ATOSA: variants seen among roughly 807,000 people sequenced by gnomAD.
The protein encoded by ATOSA is atos homolog A.
the ATOSA span, chr15:52,611,008 A>C: frequency 8.4e-7 from 1 of 1,196,048 alleles, no homozygotes; most frequent in African/African-American, 1.5e-5. Context: ...AAACCTCAGT[A>C]AATTTTATCC....
chr15:52,634,597 T>C, the ATOSA span, among the ~76,000 whole-genome samples: 2 of 103,580 alleles, frequency 1.9e-5, no homozygotes, highest in South Asian at 3.9e-4. Context: ...ATGTCCATTT[T>C]TCTTTTCTTT....
chr15:52,678,042 C>T, the ATOSA span: 1 of 1,614,006 alleles, frequency 6.2e-7, no homozygotes, highest in Non-Finnish European at 8.5e-7. Flanking sequence ...AATTTTCGCC[C>T]AGAGTGCTGT....
At chr15:52,619,063 A>G in the ATOSA span, among the ~76,000 whole-genome samples, 2 of 152,254 alleles carry the variant, frequency 1.3e-5, no homozygotes, top group African/African-American at 4.8e-5. Context: ...TAACTATTAC[A>G]TAAGTATTGA....
At chr15:52,594,085 C>T in the ATOSA span, among the ~76,000 whole-genome samples, 2 of 152,178 alleles carry the variant, frequency 1.3e-5, no homozygotes, top group Non-Finnish European at 2.9e-5. Flanking sequence ...AAAATATGCT[C>T]TATCAGAGCA....
the ATOSA span, chr15:52,656,202 T>G: frequency 6.6e-6 from 1 of 152,110 alleles, no homozygotes; most frequent in Non-Finnish European, 1.5e-5. Flanking sequence ...TAATGAAGAC[T>G]AAGCAATAGT....
the ATOSA span, among the ~76,000 whole-genome samples, chr15:52,647,532 G>A: frequency 1.3e-5 from 2 of 152,224 alleles, no homozygotes; most frequent in Non-Finnish European, 2.9e-5. Flanking sequence ...CTTCCAGGCA[G>A]CTGGCTTGTC....
At chr15:52,621,420 T>C in the ATOSA span, among the ~76,000 whole-genome samples, 1 of 152,208 alleles carries the variant, frequency 6.6e-6, no homozygotes, top group Admixed American at 6.5e-5. Flanking sequence ...TAATATGTAA[T>C]AAAAGCAGTC....
chr15:52,658,771 G>A, the ATOSA span: 3 of 310,892 alleles, frequency 9.6e-6, no homozygotes, highest in Non-Finnish European at 1.6e-5. Context: ...TTAAGACCAG[G>A]CTGAGCAACA....
the ATOSA span, among the ~76,000 whole-genome samples, chr15:52,627,668 G>T: frequency 6.6e-6 from 1 of 151,944 alleles, no homozygotes; most frequent in East Asian, 1.9e-4. Context: ...CAGAACATCA[G>T]GCAATGCTTA....
the ATOSA span, among the ~76,000 whole-genome samples, chr15:52,617,142 G>A: frequency 6.6e-6 from 1 of 152,156 alleles, no homozygotes; most frequent in Non-Finnish European, 1.5e-5. Flanking sequence ...TTGGAAATAA[G>A]GCTTTTAGGA....
chr15:52,669,278 C>A, the ATOSA span, among the ~76,000 whole-genome samples: 30 of 152,158 alleles, frequency 2.0e-4, no homozygotes, highest in Admixed American at 6.5e-4. Flanking sequence ...TTAGAGAAAT[C>A]CTATGGTTAG....
chr15:52,643,423 C>T, the ATOSA span, among the ~76,000 whole-genome samples: 12 of 151,586 alleles, frequency 7.9e-5, no homozygotes, highest in African/African-American at 2.4e-4. Context: ...TCCTGAGTAG[C>T]TGGGACCACA....
At chr15:52,603,839 A>G in the ATOSA span, among the ~76,000 whole-genome samples, 2 of 152,178 alleles carry the variant, frequency 1.3e-5, no homozygotes, top group Non-Finnish European at 2.9e-5. Flanking sequence ...AAGAGTTGTG[A>G]GGAGGGAGGG....
chr15:52,652,130 C>T, the ATOSA span: 1 of 1,282,094 alleles, frequency 7.8e-7, no homozygotes, highest in Non-Finnish European at 1.0e-6. Context: ...ACCTCCCCTG[C>T]TCGCTAGGTC....
At chr15:52,632,066 T>C in the ATOSA span, among the ~76,000 whole-genome samples, 4 of 152,196 alleles carry the variant, frequency 2.6e-5, no homozygotes, top group African/African-American at 9.7e-5. Context: ...CCAGACAGTA[T>C]TTCTTAAATA....
the ATOSA span, among the ~76,000 whole-genome samples, chr15:52,625,777 T>C: frequency 6.6e-6 from 1 of 152,196 alleles, no homozygotes; most frequent in African/African-American, 2.4e-5. Context: ...AACCCAAACA[T>C]TCAATTAAAC....
chr15:52,650,603 C>T, the ATOSA span, among the ~76,000 whole-genome samples: 1 of 152,072 alleles, frequency 6.6e-6, no homozygotes, highest in Non-Finnish European at 1.5e-5. Flanking sequence ...CTCTCCTTAC[C>T]AGAAATGCTA....
the ATOSA span, among the ~76,000 whole-genome samples, chr15:52,623,037 T>C: frequency 2.0e-3 from 297 of 152,010 alleles, no homozygotes; most frequent in Non-Finnish European, 3.5e-3. Context: ...CATGTGCCTG[T>C]GGTTACAGCT....
the ATOSA span, chr15:52,601,031 C>A: frequency 5.5e-6 from 6 of 1,091,298 alleles, no homozygotes; most frequent in Admixed American, 5.1e-5. Flanking sequence ...TTGTTAAAGA[C>A]CAGAATTTTG....
Sources: gnomAD v4.1 joint callset for allele counts (sites outside exome capture counted in the v4.1 genomes callset) on GRCh38, gnomAD v4.1.1 for gene constraint, MANE v1.5 for transcripts, NCBI Gene and HGNC (gene_info 2026-07-23, HGNC 2026-07-21) for gene names.